KCNH7: variants seen among roughly 807,000 people sequenced by gnomAD.
KCNH7 encodes the protein potassium voltage-gated channel subfamily H member 7, also known as voltage-gated inwardly rectifying potassium channel KCNH7.
KCNH7 carries 49 observed loss-of-function variants against 120.8 expected under a neutral mutation model. That is an observed-to-expected ratio of 0.41 (90% CI 0.32 to 0.51). The LOEUF (loss-of-function observed/expected upper bound fraction) is 0.51. KCNH7 is among the 20% of genes least tolerant of loss of function. KCNH7 has a pLI of 0.38. For synonymous variants in KCNH7, 547 were observed against 516.1 expected (o/e 1.06, Z -0.81); for missense variants, 1,097 against 1,446.6 (o/e 0.76, Z 3.92).
At chr2:162,834,264 G>C (rs1289851267) in intron 2 of KCNH7, among the ~76,000 whole-genome samples, 1 of 151,938 alleles carries the variant, frequency 6.6e-6, no homozygotes, top group Non-Finnish European at 1.5e-5. Flanking sequence ...CAAAACACAA[G>C]TTTATTACTT....
chr2:162,748,312 T>C lies in KCNH7; in HGVS notation c.307+88225A>G, dbSNP rs373674173. The stretch of plus-strand genomic sequence containing the variant: ...AAATTCCATATGCTACCAAGTGATA[T>C]CCAGGTTGAATTTTTCATGTTTCAC... On this transcript the variant is annotated intron_variant, in intron 2 of 15. Coordinates refer to ENST00000332142, the MANE Select transcript of KCNH7 (RefSeq NM_033272.4). Among the ~76,000 whole-genome samples, 400 of 152,290 alleles carry C rather than the reference T, an allele frequency of 2.6e-3. 2 individuals carry two copies. The highest frequency in any genetic ancestry group is 8.0e-3 in the African/African-American group (333 of 41,560).
intron 2 of KCNH7, among the ~76,000 whole-genome samples, chr2:162,683,027 G>C (rs1685767713): frequency 6.6e-6 from 1 of 151,832 alleles, no homozygotes. Context: ...AAAATAGGTA[G>C]AGAAGATGAT....
intron 9 of KCNH7, among the ~76,000 whole-genome samples, chr2:162,405,047 A>G (rs931427377): frequency 2.0e-5 from 3 of 152,074 alleles, no homozygotes; most frequent in African/African-American, 7.2e-5. Context: ...GTAAATAAAA[A>G]GCTCTAATTT....
chr2:162,712,782 A>C (rs1686971842), intron 2 of KCNH7, among the ~76,000 whole-genome samples: 1 of 152,214 alleles, frequency 6.6e-6, no homozygotes, highest in South Asian at 2.1e-4. Flanking sequence ...AGCCAATTTC[A>C]GCTTTCACTT....
chr2:162,512,300 G>A (rs1264363441), intron 5 of KCNH7, among the ~76,000 whole-genome samples: 3 of 151,712 alleles, frequency 2.0e-5, no homozygotes, highest in African/African-American at 7.2e-5. Context: ...ATTTAATCTT[G>A]CACTCAAATT....
At chr2:162,673,462 C>T (rs1313072842) in intron 2 of KCNH7, among the ~76,000 whole-genome samples, 1 of 151,760 alleles carries the variant, frequency 6.6e-6, no homozygotes, top group East Asian at 1.9e-4. Context: ...TCTTTCCCTA[C>T]CCTGTCATGC....
intron 2 of KCNH7, among the ~76,000 whole-genome samples, chr2:162,655,469 G>A (rs1684717749): frequency 6.6e-6 from 1 of 152,040 alleles, no homozygotes; most frequent in South Asian, 2.1e-4. Flanking sequence ...GCAAAATGAG[G>A]ATAATAATAT....
At chr2:162,405,722 T>C (rs1443958261) in intron 9 of KCNH7, among the ~76,000 whole-genome samples, 1 of 151,974 alleles carries the variant, frequency 6.6e-6, no homozygotes, top group African/African-American at 2.4e-5. Context: ...CAAAATGACA[T>C]GTCTTATTAA....
At chr2:162,656,238 A>C (rs976259215) in intron 2 of KCNH7, among the ~76,000 whole-genome samples, 1 of 152,206 alleles carries the variant, frequency 6.6e-6, no homozygotes, top group African/African-American at 2.4e-5. Flanking sequence ...ACAAACAATA[A>C]ATCCACTGAC....
rs147634014 is a variant in KCNH7, at chr2:162,728,506, C to T, written c.307+108031G>A. Among the ~76,000 whole-genome samples, 757 of 152,230 alleles carry T rather than the reference C, an allele frequency of 5.0e-3. 10 individuals carry two copies. The highest frequency in any genetic ancestry group is 0.017 in the African/African-American group (696 of 41,536). The stretch of plus-strand genomic sequence containing the variant: ...TTTAAAACTTTGATGAGGCCAGGCG[C>T]GGTGGCTCATGCCTGTAATCCCAGC... On this transcript the variant is annotated intron_variant, in intron 2 of 15. Transcript: ENST00000332142.
Position 162,573,002 on chromosome 2 carries a change from C to T in KCNH7, c.308-35922G>A, listed in dbSNP as rs576898574. Among the ~76,000 whole-genome samples, 304 of 152,118 alleles carry T rather than the reference C, an allele frequency of 2.0e-3. 2 individuals carry two copies. Among genetic ancestry groups the T allele is most frequent in the African/African-American group, 6.9e-3 (286 of 41,504 alleles). On this transcript the variant is annotated intron_variant, in intron 2 of 15. Coordinates refer to ENST00000332142, the MANE Select transcript of KCNH7 (RefSeq NM_033272.4). Reference sequence around the variant, plus strand: ...GCATGGCACATGTATACATATGTAACTAACCTGCACATTGTGCTCATGTAC... The same window carrying T: ...GCATGGCACATGTATACATATGTAATTAACCTGCACATTGTGCTCATGTAC...
At chr2:162,837,901 T>A (rs1188173114) in intron 1 of KCNH7, among the ~76,000 whole-genome samples, 4 of 152,208 alleles carry the variant, frequency 2.6e-5, no homozygotes, top group Non-Finnish European at 5.9e-5. Flanking sequence ...TTTTCCAAAT[T>A]ACCCTGCTTA....
At chr2:162,421,159 T>C (rs753692292) in intron 9 of KCNH7, among the ~76,000 whole-genome samples, 53 of 151,950 alleles carry the variant, frequency 3.5e-4, no homozygotes, top group Non-Finnish European at 4.0e-4. Flanking sequence ...CAAAACCACA[T>C]GCAAGACTCA....
intron 2 of KCNH7, among the ~76,000 whole-genome samples, chr2:162,545,760 T>A (rs543179460): frequency 6.6e-6 from 1 of 152,308 alleles, no homozygotes; most frequent in South Asian, 2.1e-4. Flanking sequence ...AAAGACCTAA[T>A]TCAATACTCT....
intron 3 of KCNH7, among the ~76,000 whole-genome samples, chr2:162,522,646 T>C (rs1485996275): frequency 1.3e-5 from 2 of 151,864 alleles, no homozygotes; most frequent in Admixed American, 1.3e-4. Flanking sequence ...ACTTGAATAA[T>C]TAAAATAGAT....
intron 2 of KCNH7, among the ~76,000 whole-genome samples, chr2:162,565,357 G>A (rs899181446): frequency 6.6e-6 from 1 of 151,934 alleles, no homozygotes; most frequent in African/African-American, 2.4e-5. Context: ...CTCCATTTAC[G>A]TAAGTTAGAT....
intron 2 of KCNH7, among the ~76,000 whole-genome samples, chr2:162,596,061 A>G (rs1318755377): frequency 6.6e-6 from 1 of 152,076 alleles, no homozygotes; most frequent in Non-Finnish European, 1.5e-5. Context: ...ATTGAAGATG[A>G]CAAAATAAGA....
At chr2:162,533,184 A>C (rs138027729) in intron 3 of KCNH7, among the ~76,000 whole-genome samples, 2 of 151,960 alleles carry the variant, frequency 1.3e-5, no homozygotes, top group East Asian at 3.9e-4. Flanking sequence ...AATACCAAAA[A>C]AACCCCGAAA....
chr2:162,518,280 G>T (rs1362635588), intron 3 of KCNH7, 122 bp from the exon 4 acceptor site: 20 of 729,950 alleles, frequency 2.7e-5, no homozygotes, highest in Non-Finnish European at 3.5e-5. Context: ...AATGGTTATA[G>T]TTGGAATAGA....
Sources: gnomAD v4.1 joint callset for allele counts (sites outside exome capture counted in the v4.1 genomes callset) on GRCh38, gnomAD v4.1.1 for gene constraint, MANE v1.5 for transcripts, NCBI Gene and HGNC (gene_info 2026-07-23, HGNC 2026-07-21) for gene names.